Variants in PDE7B observed in about 807,000 individuals in gnomAD.
PDE7B encodes 3',5'-cyclic-AMP phosphodiesterase 7B.
Under a neutral mutation model 56.2 loss-of-function variants are expected in PDE7B, and 29 were observed. That is an observed-to-expected ratio of 0.52 (90% CI 0.38 to 0.70). The LOEUF (loss-of-function observed/expected upper bound fraction) is 0.70, where lower values mean the gene tolerates loss of function less well. Among genes scored for constraint, PDE7B ranks in the 30% least tolerant of loss-of-function variants. PDE7B has a pLI of 0.00. For missense variants in PDE7B, 490 were observed against 565.0 expected, an observed-to-expected ratio of 0.87 and a Z score of 1.35; for synonymous variants, 197 against 196.9, an observed-to-expected ratio of 1.00 and a Z score of 0.00.
intron 9 of PDE7B, among the ~76,000 whole-genome samples, chr6:136,177,688 A>G (rs532283073): frequency 1.3e-5 from 2 of 152,342 alleles, no homozygotes; most frequent in South Asian, 4.1e-4. Flanking sequence ...AAAAATTTAT[A>G]CCATCATTTT....
chr6:135,974,155 A>G (rs1236774968), intron 2 of PDE7B, among the ~76,000 whole-genome samples: 1 of 152,196 alleles, frequency 6.6e-6, no homozygotes, highest in East Asian at 1.9e-4. Flanking sequence ...ATCTATAACA[A>G]TAGATAACAT....
intron 1 of PDE7B, among the ~76,000 whole-genome samples, chr6:135,926,175 C>A (rs566077794): frequency 1.9e-3 from 284 of 151,132 alleles, no homozygotes; most frequent in African/African-American, 6.1e-3. Flanking sequence ...CAAGCTCCGC[C>A]TCCTGGGTTC....
intron 1 of PDE7B, among the ~76,000 whole-genome samples, chr6:135,867,453 A>G (rs904077888): frequency 5.3e-5 from 8 of 152,156 alleles, no homozygotes; most frequent in Non-Finnish European, 1.2e-4. Context: ...TCAGGGGTAC[A>G]TGTGCAGGAT....
Position 135,934,876 on chromosome 6 carries a change from A to AATATTTATTTAAATATATATAT in PDE7B, c.22-12568_22-12567insATATATTTATTTAAATATATAT, listed in dbSNP as rs1432053322. ...ATAAATATATATAAAAATATATATA[A>AATATTTATTTAAATATATATAT]ATATTTATTTAAATATATATTTAAA... On this transcript the variant is annotated intron_variant, in intron 1 of 12. Coordinates refer to ENST00000308191, the MANE Select transcript of PDE7B (RefSeq NM_018945.4). 3.5e-3 allele frequency among the ~76,000 whole-genome samples: 346 copies of AATATTTATTTAAATATATATAT among 99,132 alleles called. 6 individuals carry two copies. The highest frequency in any genetic ancestry group is 0.014 in the African/African-American group (338 of 24,726). 65.0% of individuals were successfully genotyped at this position (99,132 alleles called of 152,430 possible).
intron 1 of PDE7B, among the ~76,000 whole-genome samples, chr6:135,908,994 A>G (rs1030391223): frequency 2.6e-5 from 4 of 152,216 alleles, no homozygotes; most frequent in African/African-American, 7.2e-5. Context: ...CATGATCAAG[A>G]TAAGTGGATT....
chr6:136,023,673 G>A (rs1268434237), intron 2 of PDE7B, among the ~76,000 whole-genome samples: 1 of 152,088 alleles, frequency 6.6e-6, no homozygotes, highest in Non-Finnish European at 1.5e-5. Flanking sequence ...CTCTTTCAGT[G>A]CCAAAGTCAG....
chr6:136,175,192 A>T (rs1239546688), intron 9 of PDE7B, among the ~76,000 whole-genome samples: 9 of 152,224 alleles, frequency 5.9e-5, no homozygotes, highest in Non-Finnish European at 1.5e-5. Context: ...TCTTTGTGGA[A>T]CACAGTGTTA....
At chr6:135,999,350 T>C (rs929208939) in intron 2 of PDE7B, among the ~76,000 whole-genome samples, 3 of 152,136 alleles carry the variant, frequency 2.0e-5, no homozygotes, top group Non-Finnish European at 2.9e-5. Context: ...ACTGTACAGA[T>C]TTTTTTGTCA....
At chr6:136,084,640 T>G (rs949966935) in intron 2 of PDE7B, among the ~76,000 whole-genome samples, 2 of 152,206 alleles carry the variant, frequency 1.3e-5, no homozygotes, top group African/African-American at 4.8e-5. Context: ...TGAAACATTT[T>G]GTAAGTATAG....
At chr6:135,882,604 A>G (rs1461341038) in intron 1 of PDE7B, among the ~76,000 whole-genome samples, 1 of 152,136 alleles carries the variant, frequency 6.6e-6, no homozygotes, top group Non-Finnish European at 1.5e-5. Flanking sequence ...TTTTCCCTTG[A>G]GATTTCCATG....
intron 2 of PDE7B, among the ~76,000 whole-genome samples, chr6:136,004,644 A>C (rs1775742889): frequency 6.6e-6 from 1 of 151,664 alleles, no homozygotes; most frequent in Non-Finnish European, 1.5e-5. Flanking sequence ...TCCAACTTAC[A>C]AGGGATGTGA....
chr6:135,926,371 G>C (rs912847396), intron 1 of PDE7B, among the ~76,000 whole-genome samples: 4 of 152,114 alleles, frequency 2.6e-5, no homozygotes, highest in Non-Finnish European at 5.9e-5. Context: ...ACAGGCGTGA[G>C]CCACCATGCC....
chr6:135,907,768 T>C (rs1776141956), intron 1 of PDE7B, among the ~76,000 whole-genome samples: 3 of 152,140 alleles, frequency 2.0e-5, no homozygotes, highest in Admixed American at 2.0e-4. Context: ...ATAAAACTTA[T>C]TGAATAAACA....
At chr6:136,007,335 T>C (rs1235569448) in intron 2 of PDE7B, among the ~76,000 whole-genome samples, 1 of 152,206 alleles carries the variant, frequency 6.6e-6, no homozygotes, top group Non-Finnish European at 1.5e-5. Flanking sequence ...GATTTTTACG[T>C]CAGTGTTCAT....
intron 1 of PDE7B, among the ~76,000 whole-genome samples, chr6:135,902,612 A>G (rs1192773410): frequency 6.6e-6 from 1 of 152,180 alleles, no homozygotes; most frequent in Non-Finnish European, 1.5e-5. Context: ...GGACAACTGG[A>G]AAAATATATC....
At chr6:136,191,542 G>A in intron 12 of PDE7B, 72 bp from the exon 13 acceptor site, 5 of 1,293,132 alleles carry the variant, frequency 3.9e-6, no homozygotes, top group Non-Finnish European at 5.5e-6. Flanking sequence ...TGGGTCCCCA[G>A]TCATGCTCGG....
At chr6:135,993,462 G>A (rs1323074138) in intron 2 of PDE7B, among the ~76,000 whole-genome samples, 2 of 152,148 alleles carry the variant, frequency 1.3e-5, no homozygotes, top group Non-Finnish European at 2.9e-5. Context: ...AGCTCCCCAG[G>A]TGACTCTAAC....
chr6:136,162,397 G>T (rs914953430), intron 8 of PDE7B: 2 of 152,054 alleles, frequency 1.3e-5, no homozygotes, highest in African/African-American at 4.8e-5. Flanking sequence ...GATGTAATGA[G>T]AACTCATGCA....
intron 2 of PDE7B, among the ~76,000 whole-genome samples, chr6:136,050,740 T>A (rs1389902458): frequency 6.6e-6 from 1 of 152,208 alleles, no homozygotes; most frequent in Non-Finnish European, 1.5e-5. Context: ...GAAAGCAAGT[T>A]GAAGATTTAG....
Sources: allele counts gnomAD v4.1 joint callset (sites outside exome capture counted in the v4.1 genomes callset), GRCh38; gene constraint gnomAD v4.1.1; transcripts MANE v1.5; gene names NCBI Gene and HGNC (gene_info 2026-07-23, HGNC 2026-07-21).